Variants in RGL3 observed in about 807,000 individuals in gnomAD.
The protein encoded by RGL3 is ral guanine nucleotide dissociation stimulator like 3.
In RGL3, 85 loss-of-function variants were observed where a neutral mutation model predicts 90.6. The ratio of observed to expected loss-of-function variants is 0.94; its 90% CI spans 0.79 to 1.12. The LOEUF is 1.12. Among genes scored for constraint, RGL3 ranks in the 50% most tolerant of loss-of-function variants. The probability of loss-of-function intolerance (pLI) is 0.00; values close to 1 mark genes in which losing one functional copy is unlikely to be tolerated. For synonymous variants in RGL3, 408 were observed against 385.5 expected (o/e 1.06, Z -0.68); for missense variants, 1,034 against 939.2 (o/e 1.10, Z -1.32).
At chr19:11,396,937 G>T (rs1968583561) in intron 18 of RGL3, among the ~76,000 whole-genome samples, 1 of 151,966 alleles carries the variant, frequency 6.6e-6, no homozygotes, top group Non-Finnish European at 1.5e-5. Context: ...CAAAGTGCTG[G>T]GATTACAGAC....
At chr19:11,403,357 G>A (rs1193220581) in intron 9 of RGL3, among the ~76,000 whole-genome samples, 2 of 146,986 alleles carry the variant, frequency 1.4e-5, no homozygotes, top group Non-Finnish European at 3.0e-5. Flanking sequence ...TTTAAGAAAG[G>A]GCTGGACATG....
chr19:11,406,126 C>G (rs1968773479), intron 7 of RGL3, among the ~76,000 whole-genome samples: 2 of 152,014 alleles, frequency 1.3e-5, no homozygotes, highest in Non-Finnish European at 2.9e-5. Context: ...CTTCCTCCCT[C>G]CTCCCTCGGG....
At position 11,405,170 on chromosome 19, in the gene RGL3, T is replaced by TCC. The variant is rs1481425735; in HGVS notation, c.1161_1162insGG (p.Ser388GlyfsTer88). 46 of 1,614,006 alleles carry TCC rather than the reference T, an allele frequency of 2.9e-5. No individual in the cohort carries two copies. The highest frequency in any genetic ancestry group is 3.9e-5 in the Non-Finnish European group (46 of 1,179,982). On this transcript the variant is annotated frameshift_variant, in exon 9 of 19. Transcript: ENST00000380456. LOFTEE classifies it high-confidence loss of function. Reference sequence around the variant, plus strand: ...ACCTGGAAAAGAATCTCTCTGCTGCTGAGGTGGTTGTTCTCATCGGAGAAA... The same window carrying TCC: ...ACCTGGAAAAGAATCTCTCTGCTGCTCCGAGGTGGTTGTTCTCATCGGAGAAA...
rs944053108 is a variant in RGL3 at position 11,419,230 on chromosome 19, T to C, written c.33+16A>G. ...TCACCAGGGATGCGGGGTCCGGGGA[T>C]CCCTTGTCCCCTTACCAGGGCCAGC... On this transcript the variant is annotated intron_variant, in intron 1 of 18. Transcript: ENST00000380456. 1 of 1,585,834 alleles carries C rather than the reference T, an allele frequency of 6.3e-7. No homozygotes were observed. The highest frequency in any genetic ancestry group is 8.6e-7 in the Non-Finnish European group (1 of 1,167,322).
At chr19:11,401,938 T>G in intron 13 of RGL3, 73 bp downstream of exon 13, 3 of 1,498,480 alleles carry the variant, frequency 2.0e-6, no homozygotes, top group Non-Finnish European at 2.7e-6. Context: ...GAGGTGTGTA[T>G]GGAGTGGGTG....
intron 5 of RGL3, 49 bp downstream of exon 5, chr19:11,415,888 A>G (rs755640081): frequency 1.3e-6 from 2 of 1,492,892 alleles, no homozygotes; most frequent in East Asian, 2.4e-5. Flanking sequence ...GGGAAGAAGC[A>G]GACAGGAAAG....
intron 18 of RGL3, among the ~76,000 whole-genome samples, chr19:11,396,159 T>TATATATATATATA (rs1491194960): frequency 7.6e-5 from 2 of 26,478 alleles, no homozygotes; most frequent in African/African-American, 5.4e-4. Flanking sequence ...TATATATATA[T>TATATATATATATA]TTTTTTTTTT....
At chr19:11,417,445 C>A (rs779445338) in intron 2 of RGL3, among the ~76,000 whole-genome samples, 4 of 151,052 alleles carry the variant, frequency 2.6e-5, no homozygotes, top group Non-Finnish European at 5.9e-5. Flanking sequence ...CAGGCGTGAA[C>A]CACCGTGCCC....
At chr19:11,402,758 TC>T (rs1343508677) in intron 9 of RGL3, 52 bp from the exon 10 acceptor site, 1 of 1,490,372 alleles carries the variant, frequency 6.7e-7, no homozygotes, top group Non-Finnish European at 9.3e-7. Flanking sequence ...GGACAATTCC[TC>T]AGGAACGATG....
At chr19:11,404,964 A>C (rs1171344685) in intron 9 of RGL3, among the ~76,000 whole-genome samples, 183 bp downstream of exon 9, 1 of 152,186 alleles carries the variant, frequency 6.6e-6, no homozygotes, top group African/African-American at 2.4e-5. Flanking sequence ...ACAGTCAACT[A>C]TAACGCAGGA....
intron 10 of RGL3, 29 bp from the exon 11 acceptor site, chr19:11,402,570 G>A: frequency 6.2e-7 from 1 of 1,608,306 alleles, no homozygotes; most frequent in Non-Finnish European, 8.5e-7. Flanking sequence ...CAGTCACTTG[G>A]GGCCATTACT....
At position 11,394,842 on chromosome 19, in the gene RGL3, C is replaced by T. The variant is rs183560416; in HGVS notation, c.2015-322G>A. Among the ~76,000 whole-genome samples, 5 of 152,168 alleles carry T rather than the reference C, an allele frequency of 3.3e-5. No homozygotes were observed. In the East Asian group the frequency reaches 7.7e-4, roughly 24 times the overall value. On this transcript the variant is annotated intron_variant, in intron 18 of 18. Transcript: ENST00000380456. ...CGATGCCTCGTGCCTGTAATCCCAG[C>T]GCTTTGGGAGGCCGAAGTGGGTGGA...
In RGL3 at chr19:11,405,241, C is replaced by G. The variant is rs1438122488; in HGVS notation, c.1101-10G>C. 3 of 1,613,840 alleles carry G rather than the reference C, an allele frequency of 1.9e-6. No individual in the cohort carries two copies. Among genetic ancestry groups the G allele is most frequent in the African/African-American group, 1.3e-5 (1 of 74,924 alleles). On this transcript the variant is annotated splice_polypyrimidine_tract_variant and intron_variant, in intron 8 of 18. Transcript: ENST00000380456. ...AGTAGATAGCGGTTCCCTGGAAGGACAGGAGAAGGGTGGTCAGGGGTCAGT... is the reference window on the plus strand; with the variant it reads ...AGTAGATAGCGGTTCCCTGGAAGGAGAGGAGAAGGGTGGTCAGGGGTCAGT...
chr19:11,417,880 A>G (rs532967028), intron 2 of RGL3, among the ~76,000 whole-genome samples: 1 of 152,158 alleles, frequency 6.6e-6, no homozygotes, highest in Non-Finnish European at 1.5e-5. Context: ...GCTGGGGTGC[A>G]GTGGCACAAT....
chr19:11,416,476 G>T, intron 4 of RGL3, 138 bp downstream of exon 4: 1 of 865,184 alleles, frequency 1.2e-6, no homozygotes. Flanking sequence ...TGGGATTACA[G>T]GCATGAGCCA....
In RGL3 at chr19:11,397,394, C is replaced by T. The variant is rs187869558; in HGVS notation, c.1900-36G>A. The T allele has an allele frequency of 6.9e-4, 1,090 of 1,587,332 alleles. 2 individuals carry two copies. The African/African-American group carries it at 0.013, about 19-fold the overall frequency. ...GGGGCGGGAGGTGAGGTGAGGGCCC[C>T]GGCCCCAAGGGCAGGGCAGCCTCCA... On this transcript the variant is annotated intron_variant, in intron 17 of 18. Coordinates refer to ENST00000380456, the MANE Select transcript of RGL3 (RefSeq NM_001035223.4).
At chr19:11,400,856 A>AAAATAAAT (rs36155093) in intron 13 of RGL3, among the ~76,000 whole-genome samples, 122 of 145,588 alleles carry the variant, frequency 8.4e-4, no homozygotes, top group South Asian at 1.1e-3. Flanking sequence ...CTCTGTCTCA[A>AAAATAAAT]AAATAAATAA....
At position 11,406,766 on chromosome 19, in the gene RGL3, A is replaced by G. The variant is rs754010626; in HGVS notation, c.736T>C (p.Phe246Leu). 3 of 1,614,076 alleles carry G rather than the reference A, an allele frequency of 1.9e-6. No individual in the cohort carries two copies. In the South Asian group the frequency reaches 3.3e-5, roughly 18 times the overall value. Residue 246 changes from phenylalanine (F) to leucine (L), a missense_variant, in exon 6 of 19, where the codon TTC becomes CTC. By Grantham distance (22) the Phe-to-Leu change is conservative. Coordinates refer to ENST00000380456, the MANE Select transcript of RGL3 (RefSeq NM_001035223.4). ...TGCTCGGCCACCTCGTCCACGCTGA[A>G]GTCCAGGAGCTGGGGACCTTGAGGC... ...LMPQGPQLLD[F>L]SVDEVAEQLT...
chr19:11,401,091 G>A (rs1479781598), intron 13 of RGL3, among the ~76,000 whole-genome samples: 2 of 151,964 alleles, frequency 1.3e-5, no homozygotes, highest in African/African-American at 4.8e-5. Context: ...TCATGAATAA[G>A]GTCATGGGTC....
Sources: allele counts gnomAD v4.1 joint callset (sites outside exome capture counted in the v4.1 genomes callset), GRCh38; gene constraint gnomAD v4.1.1; transcripts MANE v1.5; gene names NCBI Gene and HGNC (gene_info 2026-07-23, HGNC 2026-07-21).